The following SLC35F3 variants were observed in gnomAD, a reference collection of about 807,000 sequenced individuals.
SLC35F3 encodes solute carrier family 35 member F3.
SLC35F3 carries 25 observed loss-of-function variants against 49.9 expected under a neutral mutation model. That is an observed-to-expected ratio of 0.50 (90% CI 0.37 to 0.70). The LOEUF is 0.70. SLC35F3 is among the 30% of genes least tolerant of loss of function. SLC35F3 has a pLI of 0.00. For missense variants in SLC35F3, 525 were observed against 639.8 expected, an observed-to-expected ratio of 0.82 and a Z score of 1.94; for synonymous variants, 275 against 265.4, an observed-to-expected ratio of 1.04 and a Z score of -0.35.
At chr1:234,147,451 A>G (rs73108413) in intron 2 of SLC35F3, among the ~76,000 whole-genome samples, 17 of 151,970 alleles carry the variant, frequency 1.1e-4, no homozygotes, top group African/African-American at 4.1e-4. Context: ...TTTTAAGTAG[A>G]GTTATACTTA....
intron 2 of SLC35F3, among the ~76,000 whole-genome samples, chr1:233,986,422 C>T (rs1366523875): frequency 6.6e-6 from 1 of 152,016 alleles, no homozygotes; most frequent in Non-Finnish European, 1.5e-5. Flanking sequence ...GTTTAGCTTC[C>T]AAATGTAGAA....
Position 234,319,981 on chromosome 1 carries a change from C to T in SLC35F3, c.1148-117C>T, listed in dbSNP as rs542554084. ...AGTTCACTGAATCAGAGCAGAGGGT[C>T]ATTGTAACTCCTATGACTCCAGCCT... is the stretch of plus-strand genomic sequence containing the variant. On this transcript the variant is annotated intron_variant, in intron 6 of 7. Coordinates refer to ENST00000366618, the MANE Select transcript of SLC35F3 (RefSeq NM_173508.4). The T allele has an allele frequency of 7.2e-6, 5 of 697,574 alleles. No individual in the cohort carries two copies. The African/African-American group carries it at 8.7e-5, about 12-fold the overall frequency. The allele number at this position is 697,574 out of a possible 1,614,324, so 43.2% of individuals were successfully genotyped here.
chr1:233,936,253 G>A (rs1173432595), intron 2 of SLC35F3, among the ~76,000 whole-genome samples: 1 of 152,202 alleles, frequency 6.6e-6, no homozygotes, highest in Non-Finnish European at 1.5e-5. Context: ...TAGGAAGAAA[G>A]GAGATGTTAT....
intron 2 of SLC35F3, among the ~76,000 whole-genome samples, chr1:234,057,732 G>A (rs745943773): frequency 6.6e-6 from 1 of 152,098 alleles, no homozygotes; most frequent in Non-Finnish European, 1.5e-5. Flanking sequence ...TTGAGACAGA[G>A]TCTCACTCTG....
At chr1:233,982,273 C>G (rs978092779) in intron 2 of SLC35F3, among the ~76,000 whole-genome samples, 1 of 152,218 alleles carries the variant, frequency 6.6e-6, no homozygotes, top group African/African-American at 2.4e-5. Context: ...TAAATACCCT[C>G]TTTGGTGAAC....
chr1:234,109,127 T>C (rs1005125474), intron 2 of SLC35F3, among the ~76,000 whole-genome samples: 3 of 149,496 alleles, frequency 2.0e-5, no homozygotes, highest in African/African-American at 7.7e-5. Context: ...TGAGCAGTCT[T>C]CTTTATGTGT....
At chr1:234,003,694 G>T (rs183245915) in intron 2 of SLC35F3, among the ~76,000 whole-genome samples, 1 of 152,272 alleles carries the variant, frequency 6.6e-6, no homozygotes, top group Admixed American at 6.5e-5. Flanking sequence ...ACAAAGGACA[G>T]CATGAAACCA....
chr1:234,143,288 C>CTTTTCTTTTCTTTTCTTTTTTTTT (rs1478216426), intron 2 of SLC35F3, among the ~76,000 whole-genome samples: 1 of 123,564 alleles, frequency 8.1e-6, no homozygotes, highest in Non-Finnish European at 1.6e-5. Flanking sequence ...CTTTTCTTTT[C>CTTTTCTTTTCTTTTCTTTTTTTTT]TTTTTTTTTT....
chr1:233,905,571 C>T lies in SLC35F3; in HGVS notation c.96C>T (p.Ser32=), dbSNP rs79244900. ...RSPDVSPRRL[S]DISPQLRQLK... is the part of the protein sequence containing the mutation. ...CGGACGTCAGCCCCCGGAGACTGTC[C>T]GACATCAGCCCCCAGCTCCGGCAGC... The change falls in exon 2 of 8, where the codon TCC becomes TCT. Residue 32 remains serine, a synonymous_variant. Coordinates refer to ENST00000366618, the MANE Select transcript of SLC35F3 (RefSeq NM_173508.4). The T allele has an allele frequency of 0.034, 55,398 of 1,614,010 alleles. 1,571 individuals carry two copies. The highest frequency in any genetic ancestry group is 0.16 in the East Asian group (6,966 of 44,862).
intron 2 of SLC35F3, among the ~76,000 whole-genome samples, chr1:234,118,500 A>G (rs1200233954): frequency 2.0e-5 from 3 of 152,142 alleles, no homozygotes; most frequent in African/African-American, 4.8e-5. Flanking sequence ...TGGGTTTTAC[A>G]GTTTTAGAGG....
At chr1:234,080,803 C>T (rs950922508) in intron 2 of SLC35F3, among the ~76,000 whole-genome samples, 2 of 152,166 alleles carry the variant, frequency 1.3e-5, no homozygotes, top group Admixed American at 1.3e-4. Context: ...AGATTTCTTT[C>T]TGCGTCAATG....
At chr1:234,078,567 C>G (rs1436858551) in intron 2 of SLC35F3, among the ~76,000 whole-genome samples, 1 of 152,240 alleles carries the variant, frequency 6.6e-6, no homozygotes, top group Non-Finnish European at 1.5e-5. Flanking sequence ...CCACAAGTCC[C>G]TGGATTTCTT....
intron 2 of SLC35F3, among the ~76,000 whole-genome samples, chr1:234,183,962 C>T (rs1666597148): frequency 6.6e-6 from 1 of 151,340 alleles, no homozygotes; most frequent in Non-Finnish European, 1.5e-5. Flanking sequence ...TGTTAACCTA[C>T]ACTCATTGAG....
chr1:233,921,620 A>G (rs1662060633), intron 2 of SLC35F3, among the ~76,000 whole-genome samples: 1 of 152,106 alleles, frequency 6.6e-6, no homozygotes, highest in Non-Finnish European at 1.5e-5. Flanking sequence ...CTGGAATGTC[A>G]GGTAGTTGAA....
At chr1:233,941,962 G>GTTTTTTTTTT (rs547024039) in intron 2 of SLC35F3, among the ~76,000 whole-genome samples, 1 of 118,900 alleles carries the variant, frequency 8.4e-6, no homozygotes, top group African/African-American at 2.9e-5. Context: ...TTGTTTTTTT[G>GTTTTTTTTTT]TTTTTTTTTT....
intron 2 of SLC35F3, among the ~76,000 whole-genome samples, chr1:234,109,394 A>G (rs1010009113): frequency 7.2e-5 from 11 of 152,188 alleles, no homozygotes; most frequent in African/African-American, 2.7e-4. Flanking sequence ...GAAGAGGCAC[A>G]TGAAAGAAGG....
chr1:234,100,805 T>A (rs1665203526), intron 2 of SLC35F3, among the ~76,000 whole-genome samples: 1 of 152,212 alleles, frequency 6.6e-6, no homozygotes, highest in Non-Finnish European at 1.5e-5. Flanking sequence ...GAGTATGCTT[T>A]TGCTTCCACA....
At chr1:234,282,234 T>C (rs1392560812) in intron 3 of SLC35F3, among the ~76,000 whole-genome samples, 1 of 152,244 alleles carries the variant, frequency 6.6e-6, no homozygotes, top group Non-Finnish European at 1.5e-5. Context: ...ACCAGGCTGA[T>C]ACTCAGTCTC....
intron 2 of SLC35F3, among the ~76,000 whole-genome samples, chr1:234,206,840 A>G (rs929525096): frequency 2.6e-5 from 4 of 152,142 alleles, no homozygotes; most frequent in Admixed American, 2.6e-4. Flanking sequence ...CGAGGACCTC[A>G]TTGAACAAGA....
Sources: allele counts gnomAD v4.1 joint callset (sites outside exome capture counted in the v4.1 genomes callset), GRCh38; gene constraint gnomAD v4.1.1; transcripts MANE v1.5; gene names NCBI Gene and HGNC (gene_info 2026-07-23, HGNC 2026-07-21).